Variants in SLC25A37 observed in about 807,000 individuals in gnomAD.
SLC25A37 encodes solute carrier family 25 member 37, also known as mitoferrin-1.
A neutral mutation model predicts 31.0 loss-of-function variants in SLC25A37; 17 were observed. The ratio of observed to expected loss-of-function variants is 0.55; its 90% CI spans 0.38 to 0.82. The LOEUF (loss-of-function observed/expected upper bound fraction) is 0.82. SLC25A37 is among the 40% of genes least tolerant of loss of function. The pLI is 0.00. For synonymous variants in SLC25A37, 222 were observed against 193.0 expected, an observed-to-expected ratio of 1.15 and a Z score of -1.24; for missense variants, 404 against 465.8, an observed-to-expected ratio of 0.87 and a Z score of 1.22.
intron 1 of SLC25A37, among the ~76,000 whole-genome samples, chr8:23,552,896 G>A (rs1293681090): frequency 3.3e-5 from 5 of 152,182 alleles, no homozygotes; most frequent in African/African-American, 1.2e-4. Context: ...AAGCTCACAG[G>A]GAGCCCCATC....
intron 1 of SLC25A37, among the ~76,000 whole-genome samples, chr8:23,558,232 T>C (rs1362196935): frequency 6.6e-6 from 1 of 152,196 alleles, no homozygotes; most frequent in African/African-American, 2.4e-5. Flanking sequence ...TGGCTGAGTT[T>C]CTGATGCTAC....
chr8:23,548,288 C>T (rs1376990219), intron 1 of SLC25A37, among the ~76,000 whole-genome samples: 2 of 152,042 alleles, frequency 1.3e-5, no homozygotes, highest in Non-Finnish European at 1.5e-5. Flanking sequence ...AAGCGATTCT[C>T]CTGCTTCAGC....
At chr8:23,550,304 T>C (rs751632485) in intron 1 of SLC25A37, among the ~76,000 whole-genome samples, 1 of 151,052 alleles carries the variant, frequency 6.6e-6, no homozygotes, top group Non-Finnish European at 1.5e-5. Context: ...TTAGTGAGCA[T>C]GGCATGGCGC....
rs1378592745 is a variant in SLC25A37, at chr8:23,573,210, CT to C, written c.*1356del. ...CCCTCATGCCCGAGTCGGAAGACCC[CT>C]CTCCAGAAGCCATTCTGCATCCTTG... On this transcript the variant is annotated 3_prime_UTR_variant, in exon 4 of 4. Coordinates refer to ENST00000519973, the MANE Select transcript of SLC25A37 (RefSeq NM_016612.4). The C allele has an allele frequency of 6.6e-6, 1 of 152,568 alleles. No homozygotes were observed. The highest frequency in any genetic ancestry group is 1.5e-5 in the Non-Finnish European group (1 of 68,300). 9.5% of individuals were successfully genotyped at this position (152,568 alleles called of 1,614,324 possible).
intron 1 of SLC25A37, chr8:23,543,122 G>A (rs1801942590): frequency 6.6e-6 from 1 of 151,796 alleles, no homozygotes; most frequent in South Asian, 2.1e-4. Flanking sequence ...AGGCTGGAGT[G>A]CAGTGTTGAG....
intron 1 of SLC25A37, among the ~76,000 whole-genome samples, chr8:23,562,915 A>G (rs914298790): frequency 5.3e-5 from 8 of 152,174 alleles, no homozygotes; most frequent in African/African-American, 1.7e-4. Context: ...GTATAAGAAG[A>G]AGGCAGGTGA....
At chr8:23,533,311 A>C (rs184140875) in intron 1 of SLC25A37, among the ~76,000 whole-genome samples, 1 of 152,286 alleles carries the variant, frequency 6.6e-6, no homozygotes, top group East Asian at 1.9e-4. Context: ...AGGGGGCCTC[A>C]GCTTTTTAGT....
intron 2 of SLC25A37, chr8:23,566,847 G>A (rs936495679): frequency 1.0e-4 from 102 of 985,536 alleles, no homozygotes; most frequent in Middle Eastern, 1.0e-3. Flanking sequence ...AAGGACTCGC[G>A]CAACGCAGAA....
At chr8:23,541,109 G>A (rs1006014197) in intron 1 of SLC25A37, among the ~76,000 whole-genome samples, 3 of 151,982 alleles carry the variant, frequency 2.0e-5, no homozygotes, top group Non-Finnish European at 4.4e-5. Context: ...CCGCCCATTT[G>A]GCTGGCTAAT....
intron 1 of SLC25A37, among the ~76,000 whole-genome samples, chr8:23,544,048 T>G (rs1275674923): frequency 6.6e-6 from 1 of 151,972 alleles, no homozygotes; most frequent in East Asian, 1.9e-4. Context: ...TTAGTAGCGA[T>G]GGGGTTTCAC....
At chr8:23,568,289 G>A (rs200086857) in intron 2 of SLC25A37, 33 bp from the exon 3 acceptor site, 336 of 1,612,014 alleles carry the variant, frequency 2.1e-4, no homozygotes, top group Non-Finnish European at 2.8e-4. Flanking sequence ...ACACCCGATC[G>A]CAGAGGGTAA....
At position 23,552,944 on chromosome 8, in the gene SLC25A37, C is replaced by T. The variant is rs182095550; in HGVS notation, c.211-13164C>T. Reference sequence around the variant, plus strand: ...TGATGGCAGAGCTGCCGGGCTGCAGCGTGGAGCGGGGCGGGAGCCTTGTGT... The same window carrying T: ...TGATGGCAGAGCTGCCGGGCTGCAGTGTGGAGCGGGGCGGGAGCCTTGTGT... On this transcript the variant is annotated intron_variant, in intron 1 of 3. Transcript: ENST00000519973. 1.8e-4 allele frequency among the ~76,000 whole-genome samples: 27 copies of T among 152,242 alleles called. No homozygotes were observed. The East Asian group carries it at 4.4e-3, about 25-fold the overall frequency.
At chr8:23,570,866 C>A (rs1802805839) in intron 3 of SLC25A37, among the ~76,000 whole-genome samples, 2 of 152,084 alleles carry the variant, frequency 1.3e-5, no homozygotes, top group African/African-American at 4.8e-5. Context: ...CTAGAATTAC[C>A]ATTAGAGGCA....
intron 3 of SLC25A37, 117 bp from the exon 4 acceptor site, chr8:23,571,218 T>C: frequency 8.1e-7 from 1 of 1,241,554 alleles, no homozygotes; most frequent in Non-Finnish European, 1.1e-6. Context: ...CTGTTTCCGG[T>C]GTCTAACTGG....
At chr8:23,562,481 C>G (rs1446953804) in intron 1 of SLC25A37, among the ~76,000 whole-genome samples, 1 of 152,178 alleles carries the variant, frequency 6.6e-6, no homozygotes, top group Non-Finnish European at 1.5e-5. Context: ...GTTTGTTCAT[C>G]AATTCATTCA....
chr8:23,550,048 G>A (rs1245679226), intron 1 of SLC25A37, among the ~76,000 whole-genome samples: 1 of 137,264 alleles, frequency 7.3e-6, no homozygotes, highest in African/African-American at 3.3e-5. Context: ...GGGTGCGGTG[G>A]CACATGCCTG....
At chr8:23,546,570 A>AC (rs1348663464) in intron 1 of SLC25A37, among the ~76,000 whole-genome samples, 2 of 84,532 alleles carry the variant, frequency 2.4e-5, no homozygotes, top group African/African-American at 1.7e-4. Flanking sequence ...ATATATATAT[A>AC]TATATATATA....
intron 1 of SLC25A37, among the ~76,000 whole-genome samples, chr8:23,550,573 C>T (rs539256367): frequency 6.8e-4 from 104 of 152,370 alleles, no homozygotes; most frequent in African/African-American, 2.2e-3. Flanking sequence ...GCTTGGGAGA[C>T]GGCATGGGTT....
At chr8:23,558,564 G>A (rs1802427575) in intron 1 of SLC25A37, among the ~76,000 whole-genome samples, 1 of 152,232 alleles carries the variant, frequency 6.6e-6, no homozygotes, top group Non-Finnish European at 1.5e-5. Flanking sequence ...AGTGAGACAG[G>A]CCTTTCCTGT....
Sources: allele counts gnomAD v4.1 joint callset (sites outside exome capture counted in the v4.1 genomes callset), GRCh38; gene constraint gnomAD v4.1.1; transcripts MANE v1.5; gene names NCBI Gene and HGNC (gene_info 2026-07-23, HGNC 2026-07-21).